The following ELOC variants were observed in gnomAD, a reference collection of about 807,000 sequenced individuals.
ELOC encodes elongin C.
For missense variants in ELOC, 38 were observed against 139.0 expected (o/e 0.27, Z 3.65); for synonymous variants, 40 against 51.3 (o/e 0.78, Z 0.94).
At chr8:73,948,057 TG>T (rs1195684961) in intron 3 of ELOC, among the ~76,000 whole-genome samples, 1 of 152,004 alleles carries the variant, frequency 6.6e-6, no homozygotes, top group Non-Finnish European at 1.5e-5. Context: ...CTGGCCGTGG[TG>T]GTGAGTGCCA....
intron 3 of ELOC, among the ~76,000 whole-genome samples, chr8:73,948,507 T>C (rs560812795): frequency 1.0e-3 from 158 of 152,290 alleles, no homozygotes; most frequent in African/African-American, 3.6e-3. Context: ...GAGGTGGAAG[T>C]TGCAGTGAGC....
intron 3 of ELOC, among the ~76,000 whole-genome samples, chr8:73,948,485 A>G (rs1182666582): frequency 6.6e-6 from 1 of 152,124 alleles, no homozygotes; most frequent in Admixed American, 6.6e-5. Context: ...ATATAAAATC[A>G]CCTGAATCCA....
chr8:73,954,388 G>A (rs1813994424), intron 3 of ELOC, among the ~76,000 whole-genome samples: 1 of 152,344 alleles, frequency 6.6e-6, no homozygotes, highest in Non-Finnish European at 1.5e-5. Flanking sequence ...GCTGGGTGTG[G>A]TGGCTCACGC....
chr8:73,954,393 T>C (rs1813994965), intron 3 of ELOC, among the ~76,000 whole-genome samples: 1 of 152,322 alleles, frequency 6.6e-6, no homozygotes, highest in Non-Finnish European at 1.5e-5. Context: ...GTGTGGTGGC[T>C]CACGCCTGTA....
intron 3 of ELOC, among the ~76,000 whole-genome samples, chr8:73,948,835 ACAAGCAAGCAAGCAAGCAAGCAAG>A (rs149713108): frequency 6.7e-6 from 1 of 150,268 alleles, no homozygotes; most frequent in Non-Finnish European, 1.5e-5. Context: ...CCTGTCACTC[ACAAGCAAGCAAGCAAGCAAGCAAG>A]CAAGCAAGCA....
chr8:73,970,671 G>A (rs545989226), intron 1 of ELOC: 1 of 152,198 alleles, frequency 6.6e-6, no homozygotes, highest in South Asian at 2.1e-4. Flanking sequence ...AATGAGATCA[G>A]ACATATGTCA....
intron 1 of ELOC, among the ~76,000 whole-genome samples, chr8:73,960,428 T>C (rs1814511511): frequency 6.6e-6 from 1 of 152,162 alleles, no homozygotes; most frequent in Non-Finnish European, 1.5e-5. Flanking sequence ...AGGTAACTCA[T>C]AATGGGCCTT....
At chr8:73,952,977 CA>C (rs1174371366) in intron 3 of ELOC, among the ~76,000 whole-genome samples, 5 of 152,016 alleles carry the variant, frequency 3.3e-5, no homozygotes, top group Non-Finnish European at 5.9e-5. Flanking sequence ...AAATAATGTT[CA>C]ACATCATTAG....
intron 2 of ELOC, among the ~76,000 whole-genome samples, chr8:73,957,653 C>G (rs542006751): frequency 1.3e-5 from 2 of 152,098 alleles, no homozygotes; most frequent in Non-Finnish European, 2.9e-5. Context: ...AGAAAACAAC[C>G]AGACAAATTA....
In ELOC at chr8:73,946,686, T is replaced by C. The variant is rs774939666; in HGVS notation, c.283A>G (p.Ile95Val). The change falls in exon 4 of 4, where the codon ATT (isoleucine) becomes GTT (valine). Residue 95 changes from isoleucine to valine, a missense_variant. Ile to Val is a conservative substitution (Grantham distance 29, BLOSUM62 3). Coordinates refer to ENST00000520242, the MANE Select transcript of ELOC (RefSeq NM_005648.4). ...NSSTEIPEFPIAPEIALELLM... is the reference protein window; with the variant it reads ...NSSTEIPEFPVAPEIALELLM... ...AGTTCCAGTGCAATTTCAGGTGCAA[T>C]TGGGAATTCAGGAATCTCGGTGGAG... The C allele has an allele frequency of 6.2e-7, 1 of 1,612,416 alleles. No homozygotes were observed. The highest frequency in any genetic ancestry group is 8.5e-7 in the Non-Finnish European group (1 of 1,179,452).
chr8:73,969,456 C>T (rs1312310238), intron 1 of ELOC: 1 of 152,224 alleles, frequency 6.6e-6, no homozygotes, highest in Non-Finnish European at 1.5e-5. Flanking sequence ...GATTTACTTC[C>T]CTACTTACCA....
intron 1 of ELOC, 44 bp downstream of exon 1, chr8:73,972,033 C>T (rs982581246): frequency 1.3e-5 from 2 of 152,412 alleles, no homozygotes; most frequent in African/African-American, 2.4e-5. Context: ...CCTCGCCCTC[C>T]ACCCTTACCC....
At chr8:73,970,869 C>CAA (rs1241950163) in intron 1 of ELOC, among the ~76,000 whole-genome samples, 35 of 127,806 alleles carry the variant, frequency 2.7e-4, no homozygotes, top group African/African-American at 1.0e-3. Context: ...CAAAACAAAA[C>CAA]AAAAAAAAAA....
intron 2 of ELOC, among the ~76,000 whole-genome samples, chr8:73,957,415 T>C (rs1021283939): frequency 5.9e-5 from 9 of 152,134 alleles, no homozygotes; most frequent in Non-Finnish European, 1.3e-4. Flanking sequence ...TACAATTTTG[T>C]ACTGTAACAG....
intron 3 of ELOC, among the ~76,000 whole-genome samples, chr8:73,950,448 C>G (rs75787392): frequency 1.3e-5 from 2 of 152,204 alleles, no homozygotes; most frequent in Non-Finnish European, 2.9e-5. Flanking sequence ...TCTTTATCAT[C>G]TTTCCCATAT....
At chr8:73,959,865 A>G in intron 1 of ELOC, 47 bp from the exon 2 acceptor site, 2 of 1,046,528 alleles carry the variant, frequency 1.9e-6, no homozygotes, top group Non-Finnish European at 2.7e-6. Context: ...GCAAGAGACA[A>G]GTTTTCATTC....
chr8:73,955,035 G>GA (rs34453392), intron 3 of ELOC, among the ~76,000 whole-genome samples: 26,687 of 62,096 alleles, frequency 0.43, 5,132 homozygotes, highest in Non-Finnish European at 0.48. Flanking sequence ...CTCCATCTCG[G>GA]AAAAAAAAAA....
rs536159278 is a variant in ELOC at position 73,969,433 on chromosome 8, C to G, written c.-51+2644G>C. The G allele has an allele frequency of 2.0e-5, 3 of 152,338 alleles. No homozygotes were observed. In the South Asian group the frequency reaches 6.2e-4, roughly 32 times the overall value. The allele number at this position is 152,338 out of a possible 1,614,324, so 9.4% of individuals were successfully genotyped here. A position where few individuals can be genotyped will look rare whatever the true frequency, so the allele number is the denominator to read the frequency against. ...ACTTCTAGTTCAAGCTACCATGTCT[C>G]AACTGGACATTTGATTTACTTCCCT... On this transcript the variant is annotated intron_variant, in intron 1 of 3. Coordinates refer to ENST00000520242, the MANE Select transcript of ELOC (RefSeq NM_005648.4).
chr8:73,953,435 GGGA>G (rs1387355481), intron 3 of ELOC, among the ~76,000 whole-genome samples: 1 of 152,112 alleles, frequency 6.6e-6, no homozygotes, highest in African/African-American at 2.4e-5. Context: ...CCAGCACTTT[GGGA>G]GGCTGAGGCG....
Sources: gnomAD v4.1 joint callset for allele counts (sites outside exome capture counted in the v4.1 genomes callset) on GRCh38, gnomAD v4.1.1 for gene constraint, MANE v1.5 for transcripts, NCBI Gene and HGNC (gene_info 2026-07-23, HGNC 2026-07-21) for gene names.